The following PMFBP1 variants were observed in gnomAD, a reference collection of about 807,000 sequenced individuals.
PMFBP1 encodes polyamine-modulated factor 1-binding protein 1.
A neutral mutation model predicts 137.8 loss-of-function variants in PMFBP1; 131 were observed. The ratio of observed to expected loss-of-function variants is 0.95; its 90% CI spans 0.82 to 1.10. The LOEUF (loss-of-function observed/expected upper bound fraction) is 1.10. Ranked by LOEUF, PMFBP1 falls within the 50% of genes least tolerant of loss-of-function variation. The pLI is 0.00. For synonymous variants in PMFBP1, 490 were observed against 450.4 expected (o/e 1.09, Z -1.11); for missense variants, 1,199 against 1,175.4 (o/e 1.02, Z -0.29).
rs530999082 is a variant in PMFBP1 at position 72,147,166 on chromosome 16, CA to C, written c.636+3441del. On this transcript the variant is annotated intron_variant, in intron 5 of 20. Coordinates refer to ENST00000237353, the MANE Select transcript of PMFBP1 (RefSeq NM_031293.3). ...AACCAAAACAGCATGGTACTGGTACCAAAACAGATATATAGACCAATGGAAC... is the reference window on the plus strand; with the variant it reads ...AACCAAAACAGCATGGTACTGGTACCAAACAGATATATAGACCAATGGAAC... Among the ~76,000 whole-genome samples, 335 of 152,150 alleles carry C rather than the reference CA, an allele frequency of 2.2e-3. 1 individual carries two copies. Among genetic ancestry groups the C allele is most frequent in the Non-Finnish European group, 4.0e-3 (274 of 67,988 alleles).
At chr16:72,203,569 G>C in the PMFBP1 span, among the ~76,000 whole-genome samples, 1 of 152,120 alleles carries the variant, frequency 6.6e-6, no homozygotes, top group African/African-American at 2.4e-5. Flanking sequence ...TGGGGCTGCT[G>C]TTTCTCCGGC....
At chr16:72,160,351 C>T (rs549758062) in intron 3 of PMFBP1, among the ~76,000 whole-genome samples, 2 of 152,260 alleles carry the variant, frequency 1.3e-5, no homozygotes, top group African/African-American at 2.4e-5. Context: ...TTCATTTACC[C>T]TTTTTCAGTC....
At chr16:72,235,059 T>C in the PMFBP1 span, among the ~76,000 whole-genome samples, 2 of 152,146 alleles carry the variant, frequency 1.3e-5, no homozygotes, top group African/African-American at 4.8e-5. Flanking sequence ...GTCCAATTTG[T>C]CTATTTTTCT....
At chr16:72,147,714 A>T (rs915500138) in intron 5 of PMFBP1, among the ~76,000 whole-genome samples, 1 of 152,244 alleles carries the variant, frequency 6.6e-6, no homozygotes, top group Non-Finnish European at 1.5e-5. Flanking sequence ...GGCAAAGGAT[A>T]TGAACAGACA....
chr16:72,128,879 C>T, intron 13 of PMFBP1, 85 bp from the exon 14 acceptor site: 2 of 1,572,846 alleles, frequency 1.3e-6, no homozygotes, highest in South Asian at 1.2e-5. Context: ...CTCCCTCTCA[C>T]CCAGCTCTAT....
intron 19 of PMFBP1, among the ~76,000 whole-genome samples, chr16:72,121,246 G>A (rs2042373103): frequency 6.6e-6 from 1 of 152,104 alleles, no homozygotes; most frequent in Non-Finnish European, 1.5e-5. Flanking sequence ...TACAAAGCTG[G>A]CCAACCTTGA....
the PMFBP1 span, among the ~76,000 whole-genome samples, chr16:72,215,339 G>A: frequency 2.1e-4 from 32 of 151,540 alleles, no homozygotes; most frequent in Admixed American, 2.0e-3. Flanking sequence ...AGAAAGGTAA[G>A]GTAATAAATG....
the PMFBP1 span, among the ~76,000 whole-genome samples, chr16:72,244,117 A>G: frequency 8.5e-3 from 1,290 of 152,346 alleles, 13 homozygotes; most frequent in Middle Eastern, 0.034. Flanking sequence ...CTCAAAATCA[A>G]ATGCAGAAGA....
In PMFBP1 at chr16:72,132,827, C is replaced by T. The variant is rs201349443; in HGVS notation, c.1368G>A (p.Ala456=). The change falls in exon 10 of 21, where the codon GCG becomes GCA. Residue 456 remains alanine (A), a synonymous_variant. Coordinates refer to ENST00000237353, the MANE Select transcript of PMFBP1 (RefSeq NM_031293.3). ...KEAKQDKSKE[A]ECKALQAEVQ... ...CCTCAGCCTGCAGGGCCTTGCACTC[C>T]GCCTCCTTGGACTTGTCCTGCTTAG... 27 of 1,614,154 alleles carry T rather than the reference C, an allele frequency of 1.7e-5. No homozygotes were observed. Among genetic ancestry groups the T allele is most frequent in the African/African-American group, 9.3e-5 (7 of 75,044 alleles).
chr16:72,149,562 C>T (rs1597479187), intron 5 of PMFBP1, among the ~76,000 whole-genome samples: 1 of 152,262 alleles, frequency 6.6e-6, no homozygotes, highest in African/African-American at 2.4e-5. Flanking sequence ...GTGGCTCACG[C>T]CTGTAATCCT....
the PMFBP1 span, among the ~76,000 whole-genome samples, chr16:72,219,725 G>A: frequency 1.3e-5 from 2 of 152,174 alleles, no homozygotes; most frequent in African/African-American, 4.8e-5. Flanking sequence ...ATACAGGTTT[G>A]GAATTATCAA....
chr16:72,204,520 C>T, the PMFBP1 span, among the ~76,000 whole-genome samples: 169 of 152,196 alleles, frequency 1.1e-3, 2 homozygotes, highest in East Asian at 0.032. Context: ...ACATTTATCC[C>T]CTGAACCAAA....
rs752093045 is a variant in PMFBP1, at chr16:72,126,162, G to A, written c.2089-30C>T. ...AAGGAGGGAGAGCAGAACTGTCAGG[G>A]TGCCAGGTCAGGGTCATAGAGGCAT... On this transcript the variant is annotated intron_variant, in intron 14 of 20. Coordinates refer to ENST00000237353, the MANE Select transcript of PMFBP1 (RefSeq NM_031293.3). 2.7e-5 allele frequency: 44 copies of A among 1,610,322 alleles called. No homozygotes were observed. The Admixed American group carries it at 7.4e-4, about 27-fold the overall frequency.
intron 10 of PMFBP1, 111 bp from the exon 11 acceptor site, chr16:72,130,833 C>T (rs16973723): frequency 2.7e-5 from 25 of 942,684 alleles, no homozygotes; most frequent in Non-Finnish European, 3.7e-5. Context: ...CTTCAGTTCC[C>T]AGTCTGTCCT....
chr16:72,145,041 T>C (rs1280539409), intron 5 of PMFBP1, among the ~76,000 whole-genome samples: 4 of 152,168 alleles, frequency 2.6e-5, no homozygotes, highest in African/African-American at 9.7e-5. Flanking sequence ...CTAATAGACA[T>C]CTACAGAACT....
chr16:72,243,722 T>C, the PMFBP1 span, among the ~76,000 whole-genome samples: 2 of 152,172 alleles, frequency 1.3e-5, no homozygotes, highest in African/African-American at 4.8e-5. Context: ...CTCATGTTTG[T>C]TTGGATTCAC....
chr16:72,171,136 G>T, intron 2 of PMFBP1, 61 bp downstream of exon 2: 1 of 1,563,638 alleles, frequency 6.4e-7, no homozygotes, highest in Non-Finnish European at 8.8e-7. Flanking sequence ...CATAAAACAT[G>T]AAAAAAGTCC....
chr16:72,223,322 C>A, the PMFBP1 span, among the ~76,000 whole-genome samples: 4 of 152,122 alleles, frequency 2.6e-5, no homozygotes, highest in Non-Finnish European at 4.4e-5. Flanking sequence ...GAGTGGATTG[C>A]ATTTTATTTT....
At chr16:72,220,260 A>T in the PMFBP1 span, among the ~76,000 whole-genome samples, 4 of 152,276 alleles carry the variant, frequency 2.6e-5, no homozygotes. Context: ...TTGCAATAAC[A>T]GTTTGAGAAT....
Sources: allele counts gnomAD v4.1 joint callset (sites outside exome capture counted in the v4.1 genomes callset), GRCh38; gene constraint gnomAD v4.1.1; transcripts MANE v1.5; gene names NCBI Gene and HGNC (gene_info 2026-07-23, HGNC 2026-07-21).